The following SMPD3 variants were observed in gnomAD, a reference collection of about 807,000 sequenced individuals.
SMPD3 encodes the protein nSMase-2.
Under a neutral mutation model 55.7 loss-of-function variants are expected in SMPD3, and 21 were observed. The ratio of observed to expected loss-of-function variants is 0.38; its 90% CI spans 0.27 to 0.54. The LOEUF (loss-of-function observed/expected upper bound fraction) is 0.54. SMPD3 is among the 20% of genes least tolerant of loss of function. The pLI is 0.80. For missense variants in SMPD3, 842 were observed against 899.6 expected, an observed-to-expected ratio of 0.94 and a Z score of 0.82; for synonymous variants, 457 against 404.3, an observed-to-expected ratio of 1.13 and a Z score of -1.56.
intron 2 of SMPD3, among the ~76,000 whole-genome samples, chr16:68,374,962 A>G (rs1011456662): frequency 6.6e-6 from 1 of 152,214 alleles, no homozygotes; most frequent in African/African-American, 2.4e-5. Flanking sequence ...CTAAGGCCTC[A>G]GGTTAAAGGT....
chr16:68,388,323 G>C (rs559370749), intron 1 of SMPD3, among the ~76,000 whole-genome samples: 1 of 152,070 alleles, frequency 6.6e-6, no homozygotes, highest in Non-Finnish European at 1.5e-5. Context: ...CTGCTGTCCC[G>C]GCCTGTCCTC....
intron 1 of SMPD3, among the ~76,000 whole-genome samples, chr16:68,446,926 A>G (rs1375814705): frequency 1.3e-5 from 2 of 152,168 alleles, no homozygotes; most frequent in East Asian, 3.9e-4. Context: ...GGAAAAGGGA[A>G]AGATGTGGGG....
rs372351115 is a variant in SMPD3, at chr16:68,370,808, G to A, written c.1323+51C>T. ...CCGCTGCAGCCCCCCTGCCTACATG[G>A]CTCTAGGACCAGCTGGCACGTGGTC... On this transcript the variant is annotated intron_variant, in intron 3 of 8. Transcript: ENST00000219334. The A allele has an allele frequency of 1.6e-5, 26 of 1,601,436 alleles. No individual in the cohort carries two copies. In the African/African-American group the frequency reaches 2.7e-4, roughly 17 times the overall value.
Position 68,371,048 on chromosome 16 carries a change from C to T in SMPD3, c.1134G>A (p.Leu378=). The part of the protein sequence containing the change: ...KRAATKLKEQ[L]HGYFEYILYD... ...ACAGGATGTACTCGAAGTAGCCGTG[C>T]AGCTGCTCTTTCAATTTGGTGGCTG... The change falls in exon 3 of 9, where the codon CTG becomes CTA. Residue 378 remains leucine, a synonymous_variant. Coordinates refer to ENST00000219334, the MANE Select transcript of SMPD3 (RefSeq NM_018667.4). 1 of 1,614,224 alleles carries T rather than the reference C, an allele frequency of 6.2e-7. No homozygotes were observed. Among genetic ancestry groups the T allele is most frequent in the South Asian group, 1.1e-5 (1 of 91,086 alleles).
At position 68,412,344 on chromosome 16, in the gene SMPD3, G is replaced by A. The variant is rs113354642; in HGVS notation, c.-268-25685C>T. On this transcript the variant is annotated intron_variant, in intron 1 of 8. Coordinates refer to ENST00000219334, the MANE Select transcript of SMPD3 (RefSeq NM_018667.4). ...GGCGGGGAGGAAACCCACAGCCAGG[G>A]TGATAGCCCCCAAGACCCACAAGTG... Among the ~76,000 whole-genome samples, 254 of 152,328 alleles carry A rather than the reference G, an allele frequency of 1.7e-3. 1 individual carries two copies. The highest frequency in any genetic ancestry group is 5.6e-3 in the African/African-American group (234 of 41,574).
intron 2 of SMPD3, among the ~76,000 whole-genome samples, chr16:68,378,782 C>A (rs1043312231): frequency 2.0e-5 from 3 of 152,280 alleles, no homozygotes; most frequent in East Asian, 1.9e-4. Flanking sequence ...TCCCTGGAAC[C>A]CTTACTGGGC....
chr16:68,363,595 G>T (rs756863846), intron 6 of SMPD3, 36 bp from the exon 7 acceptor site: 1 of 1,600,626 alleles, frequency 6.2e-7, no homozygotes, highest in Non-Finnish European at 8.5e-7. Flanking sequence ...GGTCGCTGCA[G>T]GCAGGGCCCA....
intron 3 of SMPD3, chr16:68,367,738 C>T (rs1334994285): frequency 6.6e-6 from 1 of 152,258 alleles, no homozygotes; most frequent in Non-Finnish European, 1.5e-5. Flanking sequence ...TTTGCTGGGC[C>T]TCATTGATTC....
intron 1 of SMPD3, among the ~76,000 whole-genome samples, chr16:68,414,797 G>T (rs905984794): frequency 1.3e-5 from 2 of 152,340 alleles, no homozygotes; most frequent in Admixed American, 6.5e-5. Flanking sequence ...GGAGGGGAAG[G>T]CTCAGAGGCA....
chr16:68,438,972 G>A (rs1011746160), intron 1 of SMPD3, among the ~76,000 whole-genome samples: 14 of 152,128 alleles, frequency 9.2e-5, no homozygotes, highest in African/African-American at 2.4e-4. Flanking sequence ...TTCCTCAGCC[G>A]TAAAGTAAGG....
At chr16:68,373,216 C>G (rs137964061) in intron 2 of SMPD3, among the ~76,000 whole-genome samples, 1 of 152,224 alleles carries the variant, frequency 6.6e-6, no homozygotes, top group Non-Finnish European at 1.5e-5. Flanking sequence ...GCAGCCCAGT[C>G]GAGACCCACA....
intron 1 of SMPD3, among the ~76,000 whole-genome samples, chr16:68,430,638 C>G (rs1464601143): frequency 6.6e-6 from 1 of 152,204 alleles, no homozygotes. Context: ...TCTCCCTCCC[C>G]CTGCCCCATC....
chr16:68,363,968 C>A (rs776979419), intron 5 of SMPD3, 102 bp from the exon 6 acceptor site: 70 of 1,099,826 alleles, frequency 6.4e-5, no homozygotes, highest in Non-Finnish European at 9.0e-5. Flanking sequence ...TGCTGCCAGG[C>A]CCCCATCCCT....
At chr16:68,364,223 A>G (rs2089406713) in intron 5 of SMPD3, among the ~76,000 whole-genome samples, 2 of 152,196 alleles carry the variant, frequency 1.3e-5, no homozygotes, top group Non-Finnish European at 2.9e-5. Flanking sequence ...TTCACTGATG[A>G]CGAGCTTGTA....
chr16:68,410,195 C>T (rs1285615390), intron 1 of SMPD3, among the ~76,000 whole-genome samples: 1 of 152,202 alleles, frequency 6.6e-6, no homozygotes. Flanking sequence ...CACACGAATG[C>T]CCCGTGGGTG....
intron 1 of SMPD3, among the ~76,000 whole-genome samples, chr16:68,409,972 G>A (rs984910920): frequency 2.0e-5 from 3 of 152,200 alleles, no homozygotes; most frequent in Admixed American, 6.5e-5. Flanking sequence ...CTGACAAGAG[G>A]TTTCACACCT....
intron 1 of SMPD3, among the ~76,000 whole-genome samples, chr16:68,409,830 G>A (rs1441942193): frequency 6.6e-6 from 1 of 152,230 alleles, no homozygotes; most frequent in African/African-American, 2.4e-5. Flanking sequence ...CTGACCTCGT[G>A]ATCTGCCCGC....
At chr16:68,423,637 T>C (rs2090413908) in intron 1 of SMPD3, among the ~76,000 whole-genome samples, 1 of 152,130 alleles carries the variant, frequency 6.6e-6, no homozygotes, top group African/African-American at 2.4e-5. Flanking sequence ...CAATAGAAAA[T>C]GAACTAAGAC....
At chr16:68,419,066 G>C (rs1249527302) in intron 1 of SMPD3, among the ~76,000 whole-genome samples, 1 of 152,196 alleles carries the variant, frequency 6.6e-6, no homozygotes, top group Admixed American at 6.5e-5. Flanking sequence ...GTAGAAATAG[G>C]CCTCAGGAGA....
Sources: allele counts gnomAD v4.1 joint callset (sites outside exome capture counted in the v4.1 genomes callset), GRCh38; gene constraint gnomAD v4.1.1; transcripts MANE v1.5; gene names NCBI Gene and HGNC (gene_info 2026-07-23, HGNC 2026-07-21).